The following GMDS variants were observed in gnomAD, a reference collection of about 807,000 sequenced individuals.
GMDS encodes GDP-mannose 4,6 dehydratase.
A neutral mutation model predicts 49.9 loss-of-function variants in GMDS; 20 were observed. The ratio of observed to expected loss-of-function variants is 0.40; its 90% CI spans 0.28 to 0.58. The LOEUF is 0.58. Among genes scored for constraint, GMDS ranks in the 20% least tolerant of loss-of-function variants. The pLI is 0.42. For synonymous variants in GMDS, 177 were observed against 178.6 expected (o/e 0.99, Z 0.07); for missense variants, 362 against 481.4 (o/e 0.75, Z 2.32).
chr6:2,183,386 A>ACTGC, intron 1 of GMDS, among the ~76,000 whole-genome samples: 1 of 152,202 alleles, frequency 6.6e-6, no homozygotes, highest in Non-Finnish European at 1.5e-5. Context: ...GAGGGTCAAG[A>ACTGC]CTGCCATGGA....
intron 1 of GMDS, among the ~76,000 whole-genome samples, chr6:2,184,982 C>T (rs1265269105): frequency 6.6e-6 from 1 of 152,074 alleles, no homozygotes; most frequent in African/African-American, 2.4e-5. Context: ...GTTTTAGGCA[C>T]TGGAATTGAA....
At chr6:1,710,403 G>A (rs1241190790) in intron 9 of GMDS, among the ~76,000 whole-genome samples, 4 of 152,140 alleles carry the variant, frequency 2.6e-5, no homozygotes, top group Non-Finnish European at 5.9e-5. Flanking sequence ...CCACGTCTGC[G>A]GCATTCATTC....
chr6:2,087,753 A>G lies in GMDS; in HGVS notation c.345+28018T>C, dbSNP rs151204526. On this transcript the variant is annotated intron_variant, in intron 4 of 10. Transcript: ENST00000380815. ...TAAGTCTTGGACGTTTAGTTATCCCAAGACCTAACACAGTGTGCCTATTTG... is the reference window on the plus strand; with the variant it reads ...TAAGTCTTGGACGTTTAGTTATCCCGAGACCTAACACAGTGTGCCTATTTG... Among the ~76,000 whole-genome samples, 342 of 152,346 alleles carry G rather than the reference A, an allele frequency of 2.2e-3. 1 individual carries two copies. The highest frequency in any genetic ancestry group is 8.0e-3 in the African/African-American group (333 of 41,578).
At position 1,624,221 on chromosome 6, in the gene GMDS, C is replaced by G. The variant is rs1762774570; in HGVS notation, c.1067G>C (p.Arg356Thr). The change falls in exon 11 of 11, where the codon AGG becomes ACG. Residue 356 changes from arginine (R) to threonine (T), a missense_variant. Coordinates refer to ENST00000380815, the MANE Select transcript of GMDS (RefSeq NM_001500.4). ...CTCCACGTCGGCGTGCACCATCTCC[C>G]TCACCAGCTCCTGCAACACAGGGGT... Reference protein sequence around the residue: ...KPRVAFDELVREMVHADVELM... With the variant: ...KPRVAFDELVTEMVHADVELM... The G allele has an allele frequency of 6.2e-7, 1 of 1,611,298 alleles. No homozygotes were observed. The highest frequency in any genetic ancestry group is 1.3e-5 in the African/African-American group (1 of 75,050).
At chr6:2,202,097 C>T (rs369039738) in intron 1 of GMDS, among the ~76,000 whole-genome samples, 6 of 116,154 alleles carry the variant, frequency 5.2e-5, no homozygotes, top group African/African-American at 2.0e-4. Context: ...GCACCACATG[C>T]ACATCCGAGA....
chr6:1,851,211 C>T (rs190791095), intron 7 of GMDS, among the ~76,000 whole-genome samples: 4 of 152,254 alleles, frequency 2.6e-5, no homozygotes, highest in Admixed American at 2.6e-4. Context: ...TTGGCTAAGA[C>T]ATTTAGAAAA....
intron 1 of GMDS, among the ~76,000 whole-genome samples, chr6:2,236,722 A>G (rs1412026558): frequency 1.3e-5 from 2 of 152,254 alleles, no homozygotes; most frequent in Admixed American, 6.5e-5. Flanking sequence ...TAAGAAACAT[A>G]GAAAAATCAT....
At chr6:2,140,412 T>C (rs1430383075) in intron 1 of GMDS, among the ~76,000 whole-genome samples, 1 of 152,212 alleles carries the variant, frequency 6.6e-6, no homozygotes, top group Non-Finnish European at 1.5e-5. Flanking sequence ...ACCTTGATTT[T>C]GGACATCCAG....
At chr6:2,099,580 A>G (rs1487939411) in intron 4 of GMDS, among the ~76,000 whole-genome samples, 1 of 152,088 alleles carries the variant, frequency 6.6e-6, no homozygotes, top group African/African-American at 2.4e-5. Context: ...TCAGATTTCT[A>G]TTTTATAGAA....
chr6:2,154,863 C>CAAAAAAAAAAAAAAATAAAAAAA (rs1777026341), intron 1 of GMDS, among the ~76,000 whole-genome samples: 1 of 65,626 alleles, frequency 1.5e-5, no homozygotes, highest in African/African-American at 4.9e-5. Flanking sequence ...TGAAGAGATG[C>CAAAAAAAAAAAAAAATAAAAAAA]AAAAAAAAAA....
intron 9 of GMDS, among the ~76,000 whole-genome samples, chr6:1,708,454 A>G (rs1320692123): frequency 6.6e-6 from 1 of 152,226 alleles, no homozygotes; most frequent in Non-Finnish European, 1.5e-5. Flanking sequence ...AACATGCCAC[A>G]CGGTGGGTCC....
chr6:2,163,780 T>C (rs1777528551), intron 1 of GMDS, among the ~76,000 whole-genome samples: 1 of 152,230 alleles, frequency 6.6e-6, no homozygotes, highest in Non-Finnish European at 1.5e-5. Context: ...GCGCTGCCAC[T>C]TGGCCCCTGG....
At chr6:1,624,673 C>T (rs531661045) in intron 9 of GMDS, 133 bp from the exon 10 acceptor site, 3 of 651,924 alleles carry the variant, frequency 4.6e-6, no homozygotes, top group Admixed American at 2.8e-5. Context: ...GCTTTCGGTC[C>T]CTGCTGTGCG....
At chr6:2,026,429 C>A (rs144088401) in intron 4 of GMDS, among the ~76,000 whole-genome samples, 5 of 152,262 alleles carry the variant, frequency 3.3e-5, no homozygotes, top group African/African-American at 1.2e-4. Flanking sequence ...CCAAGTCATG[C>A]AGAAAGATCT....
intron 7 of GMDS, among the ~76,000 whole-genome samples, chr6:1,827,694 A>G (rs924314907): frequency 6.6e-6 from 1 of 152,182 alleles, no homozygotes; most frequent in Non-Finnish European, 1.5e-5. Context: ...TTAGGAAGCC[A>G]CCATGCATAG....
At position 1,647,820 on chromosome 6, in the gene GMDS, C is replaced by T. The variant is rs139272156; in HGVS notation, c.988-23280G>A. 7.9e-5 allele frequency among the ~76,000 whole-genome samples: 12 copies of T among 152,294 alleles called. No homozygotes were observed. In the East Asian group the frequency reaches 1.9e-3, roughly 25 times the overall value. On this transcript the variant is annotated intron_variant, in intron 9 of 10. Transcript: ENST00000380815. Reference sequence around the variant, plus strand: ...AAGCCCTTCCTTCCTCCTGGAATGTCCTTCTCAGCATCCGGACCTACCGAC... The same window carrying T: ...AAGCCCTTCCTTCCTCCTGGAATGTTCTTCTCAGCATCCGGACCTACCGAC...
At chr6:2,022,732 C>T (rs1460310074) in intron 4 of GMDS, among the ~76,000 whole-genome samples, 3 of 152,088 alleles carry the variant, frequency 2.0e-5, no homozygotes, top group African/African-American at 7.2e-5. Flanking sequence ...TTTGATGAAA[C>T]AGGAAAAGAG....
chr6:1,700,480 G>C (rs946666422), intron 9 of GMDS, among the ~76,000 whole-genome samples: 2 of 152,190 alleles, frequency 1.3e-5, no homozygotes, highest in African/African-American at 4.8e-5. Context: ...ACTAGCTTCT[G>C]CAAATCATTA....
At chr6:1,985,105 T>C (rs1256549397) in intron 4 of GMDS, among the ~76,000 whole-genome samples, 1 of 152,240 alleles carries the variant, frequency 6.6e-6, no homozygotes, top group African/African-American at 2.4e-5. Context: ...GTTGTTTCTT[T>C]TTTATTTAAC....
Sources: gnomAD v4.1 joint callset for allele counts (sites outside exome capture counted in the v4.1 genomes callset) on GRCh38, gnomAD v4.1.1 for gene constraint, MANE v1.5 for transcripts, NCBI Gene and HGNC (gene_info 2026-07-23, HGNC 2026-07-21) for gene names.